Variants in ATRNL1 observed in about 807,000 individuals in gnomAD.
The protein encoded by ATRNL1 is attractin-like protein 1.
ATRNL1 carries 95 observed loss-of-function variants against 182.7 expected under a neutral mutation model. The ratio of observed to expected loss-of-function variants is 0.52; its 90% confidence interval spans 0.44 to 0.62. ATRNL1 has a LOEUF of 0.62. Ranked by LOEUF, ATRNL1 falls within the 20% of genes least tolerant of loss-of-function variation. The probability of loss-of-function intolerance (pLI) is 0.00; values close to 1 mark genes in which losing one functional copy is unlikely to be tolerated. For synonymous variants in ATRNL1, 576 were observed against 568.3 expected, an observed-to-expected ratio of 1.01 and a Z score of -0.19; for missense variants, 1,471 against 1,679.5, an observed-to-expected ratio of 0.88 and a Z score of 2.17.
chr10:115,878,842 A>G (rs1052602212), intron 28 of ATRNL1, among the ~76,000 whole-genome samples: 17 of 152,318 alleles, frequency 1.1e-4, no homozygotes, highest in Non-Finnish European at 2.1e-4. Flanking sequence ...TACTTGTAGA[A>G]AAATTTACCT....
At chr10:115,671,169 A>T (rs1327847943) in intron 26 of ATRNL1, among the ~76,000 whole-genome samples, 1 of 152,118 alleles carries the variant, frequency 6.6e-6, no homozygotes, top group African/African-American at 2.4e-5. Context: ...AGGTCAGATC[A>T]GTGGTGTCCA....
At chr10:115,461,006 T>C (rs547734015) in intron 21 of ATRNL1, among the ~76,000 whole-genome samples, 5 of 152,210 alleles carry the variant, frequency 3.3e-5, no homozygotes, top group Middle Eastern at 3.4e-3. Context: ...CACTAAATTA[T>C]ACAATAAATA....
At chr10:115,465,686 C>T (rs909736570) in intron 22 of ATRNL1, among the ~76,000 whole-genome samples, 5 of 151,262 alleles carry the variant, frequency 3.3e-5, no homozygotes, top group Non-Finnish European at 5.9e-5. Context: ...AATATAATAG[C>T]CTTCTGATTT....
Position 115,727,234 on chromosome 10 carries a change from T to C in ATRNL1, c.3796-14T>C, listed in dbSNP as rs1555060428. 2 of 1,592,782 alleles carry C rather than the reference T, an allele frequency of 1.3e-6. No homozygotes were observed. Among genetic ancestry groups the C allele is most frequent in the Admixed American group, 3.3e-5 (2 of 59,978 alleles). On this transcript the variant is annotated splice_polypyrimidine_tract_variant and intron_variant, in intron 26 of 28. Transcript: ENST00000355044. ...AAACCTATTTTAAGATAAATCATTT[T>C]TAACCCCCTCCAGCAACTGCTTCGA...
intron 27 of ATRNL1, among the ~76,000 whole-genome samples, chr10:115,752,198 T>A (rs1948468392): frequency 6.6e-6 from 1 of 152,050 alleles, no homozygotes; most frequent in South Asian, 2.1e-4. Context: ...TCAGAATTCA[T>A]TATGACCTCA....
At chr10:115,190,236 C>A (rs1273122289) in intron 8 of ATRNL1, among the ~76,000 whole-genome samples, 3 of 152,068 alleles carry the variant, frequency 2.0e-5, no homozygotes, top group Non-Finnish European at 1.5e-5. Flanking sequence ...GTGACAAATG[C>A]TACTGTTAAA....
intron 25 of ATRNL1, 86 bp from the exon 26 acceptor site, chr10:115,549,372 A>G: frequency 2.7e-6 from 2 of 753,796 alleles, no homozygotes; most frequent in Non-Finnish European, 2.0e-6. Flanking sequence ...TTATATATAT[A>G]TGTATTTGAG....
intron 24 of ATRNL1, among the ~76,000 whole-genome samples, chr10:115,517,617 T>C (rs1850706662): frequency 6.6e-6 from 1 of 151,854 alleles, no homozygotes; most frequent in African/African-American, 2.4e-5. Context: ...ATTCAAGCCT[T>C]TGTTCAAGGT....
intron 19 of ATRNL1, among the ~76,000 whole-genome samples, chr10:115,336,533 T>A (rs544917153): frequency 2.4e-4 from 37 of 152,308 alleles, no homozygotes; most frequent in Admixed American, 1.6e-3. Context: ...ATTGCATAAT[T>A]TGAAGAAAAA....
At chr10:115,155,582 C>T (rs1252089860) in intron 5 of ATRNL1, among the ~76,000 whole-genome samples, 1 of 152,152 alleles carries the variant, frequency 6.6e-6, no homozygotes, top group Non-Finnish European at 1.5e-5. Context: ...ATAGCTCATG[C>T]TGTTACTCCT....
At chr10:115,605,535 G>T (rs575328098) in intron 26 of ATRNL1, among the ~76,000 whole-genome samples, 1 of 151,628 alleles carries the variant, frequency 6.6e-6, no homozygotes, top group African/African-American at 2.4e-5. Flanking sequence ...CAATTTTTTT[G>T]ACTTTATGGT....
intron 27 of ATRNL1, among the ~76,000 whole-genome samples, chr10:115,745,410 A>G (rs551945972): frequency 3.3e-5 from 5 of 152,282 alleles, no homozygotes; most frequent in Non-Finnish European, 5.9e-5. Context: ...ACCTGGAGCT[A>G]CTGTAAATAA....
intron 27 of ATRNL1, among the ~76,000 whole-genome samples, chr10:115,737,205 TC>T (rs1947978016): frequency 6.6e-6 from 1 of 151,406 alleles, no homozygotes; most frequent in Non-Finnish European, 1.5e-5. Context: ...GCAGGAGGAT[TC>T]CTTAAGCTTA....
intron 27 of ATRNL1, among the ~76,000 whole-genome samples, chr10:115,799,690 C>A (rs1029933111): frequency 2.0e-5 from 3 of 152,160 alleles, no homozygotes; most frequent in Non-Finnish European, 4.4e-5. Flanking sequence ...CTCAGAACTT[C>A]CAGATGTCCA....
intron 26 of ATRNL1, among the ~76,000 whole-genome samples, chr10:115,619,519 G>A (rs1488286698): frequency 7.2e-5 from 11 of 152,182 alleles, no homozygotes; most frequent in African/African-American, 2.7e-4. Context: ...GGCCACACTT[G>A]CAAGCATCCG....
intron 22 of ATRNL1, among the ~76,000 whole-genome samples, chr10:115,464,635 T>C (rs903007265): frequency 3.2e-4 from 49 of 151,954 alleles, no homozygotes; most frequent in African/African-American, 1.2e-3. Context: ...AAGAGTTTTA[T>C]AGGTTTTTTA....
intron 21 of ATRNL1, among the ~76,000 whole-genome samples, chr10:115,459,687 A>C (rs1036845253): frequency 2.6e-5 from 4 of 152,136 alleles, no homozygotes; most frequent in Non-Finnish European, 5.9e-5. Flanking sequence ...CCCTGCCTCC[A>C]CTTGCCTTGT....
chr10:115,690,582 G>A (rs571484275), intron 26 of ATRNL1, among the ~76,000 whole-genome samples: 4 of 152,238 alleles, frequency 2.6e-5, no homozygotes, highest in Non-Finnish European at 5.9e-5. Flanking sequence ...GAGTACTGGG[G>A]ACTATGCAGA....
chr10:115,654,219 C>CT (rs374338976), intron 26 of ATRNL1, among the ~76,000 whole-genome samples: 208 of 143,476 alleles, frequency 1.4e-3, no homozygotes, highest in African/African-American at 2.0e-3. Flanking sequence ...AATTTCTTTT[C>CT]TTTTTTTTTT....
Sources: gnomAD v4.1 joint callset for allele counts (sites outside exome capture counted in the v4.1 genomes callset) on GRCh38, gnomAD v4.1.1 for gene constraint, MANE v1.5 for transcripts, NCBI Gene and HGNC (gene_info 2026-07-23, HGNC 2026-07-21) for gene names.